Variants in ADGRL2 observed in about 807,000 individuals in gnomAD.
The protein encoded by ADGRL2 is adhesion G protein-coupled receptor L2.
Under a neutral mutation model 157.4 loss-of-function variants are expected in ADGRL2, and 44 were observed. The ratio of observed to expected loss-of-function variants is 0.28; its 90% CI spans 0.22 to 0.36. The LOEUF (loss-of-function observed/expected upper bound fraction) is 0.36. Ranked by LOEUF, ADGRL2 falls within the 10% of genes least tolerant of loss-of-function variation. The probability of loss-of-function intolerance (pLI) is 1.00; values close to 1 mark genes in which losing one functional copy is unlikely to be tolerated. For synonymous variants in ADGRL2, 585 were observed against 624.7 expected (o/e 0.94, Z 0.95); for missense variants, 1,510 against 1,768.9 (o/e 0.85, Z 2.63).
At chr1:81,644,694 A>G (rs1026436006) in intron 3 of ADGRL2, among the ~76,000 whole-genome samples, 1 of 152,188 alleles carries the variant, frequency 6.6e-6, no homozygotes, top group African/African-American at 2.4e-5. Flanking sequence ...ACCCTAATGT[A>G]AACTATGGAC....
chr1:81,383,287 A>G (rs1403833109), intron 1 of ADGRL2, among the ~76,000 whole-genome samples: 1 of 152,168 alleles, frequency 6.6e-6, no homozygotes, highest in Non-Finnish European at 1.5e-5. Context: ...TTCCACTGAA[A>G]CATCTCACTT....
At chr1:81,853,283 C>A (rs12144010) in intron 2 of ADGRL2, among the ~76,000 whole-genome samples, 19,080 of 152,156 alleles carry the variant, frequency 0.13, 1,313 homozygotes, top group African/African-American at 0.19. Context: ...TCCTTCACCT[C>A]TTCCAATCTA....
At chr1:81,653,283 A>T (rs2082458732) in intron 3 of ADGRL2, among the ~76,000 whole-genome samples, 1 of 149,172 alleles carries the variant, frequency 6.7e-6, no homozygotes, top group East Asian at 2.0e-4. Context: ...GATGTACCAT[A>T]ATTTCTGTAT....
chr1:81,380,641 T>A (rs2076328439), intron 1 of ADGRL2, among the ~76,000 whole-genome samples: 1 of 152,222 alleles, frequency 6.6e-6, no homozygotes, highest in Non-Finnish European at 1.5e-5. Context: ...TCTATTTTCC[T>A]GACTTACAAT....
intron 2 of ADGRL2, among the ~76,000 whole-genome samples, chr1:81,794,881 G>C (rs74859705): frequency 0.05 from 7,608 of 152,180 alleles, 556 homozygotes; most frequent in African/African-American, 0.16. Flanking sequence ...CTACTTTCCA[G>C]ATGCTCAGAC....
intron 17 of ADGRL2, 86 bp from the exon 18 acceptor site, chr1:81,979,783 A>G (rs1661154158): frequency 3.9e-6 from 3 of 767,890 alleles, no homozygotes; most frequent in East Asian, 5.0e-5. Context: ...TATCTTCCAT[A>G]TAAACATGGA....
intron 2 of ADGRL2, among the ~76,000 whole-genome samples, chr1:81,559,930 A>C (rs1477431352): frequency 6.6e-6 from 1 of 152,236 alleles, no homozygotes; most frequent in African/African-American, 2.4e-5. Context: ...GGACTTAAAA[A>C]ATTGTGTATT....
intron 2 of ADGRL2, among the ~76,000 whole-genome samples, chr1:81,487,558 T>C (rs1409711528): frequency 6.6e-6 from 1 of 151,676 alleles, no homozygotes; most frequent in Admixed American, 6.6e-5. Context: ...GGTAAGAGAA[T>C]CGCTTGAACC....
chr1:81,606,836 C>T (rs991011679), intron 3 of ADGRL2, among the ~76,000 whole-genome samples: 1 of 152,070 alleles, frequency 6.6e-6, no homozygotes, highest in African/African-American at 2.4e-5. Flanking sequence ...TCATTTGTGG[C>T]TTTCATATAA....
chr1:81,695,119 CT>C (rs2149005470), upstream of ADGRL2, among the ~76,000 whole-genome samples: 1 of 152,194 alleles, frequency 6.6e-6, no homozygotes, highest in South Asian at 2.1e-4. Context: ...TATTCAGTCT[CT>C]TCTAGATAGG....
intron 2 of ADGRL2, among the ~76,000 whole-genome samples, chr1:81,511,864 T>C (rs2079085265): frequency 6.6e-6 from 1 of 152,168 alleles, no homozygotes; most frequent in Non-Finnish European, 1.5e-5. Flanking sequence ...CAAGCACATT[T>C]TTCAAATTGT....
At chr1:81,764,120 A>G (rs2086016755) in intron 2 of ADGRL2, among the ~76,000 whole-genome samples, 2 of 146,292 alleles carry the variant, frequency 1.4e-5, no homozygotes, top group Admixed American at 7.0e-5. Context: ...TGAACCCAAG[A>G]GGTGGAGATT....
intron 1 of ADGRL2, among the ~76,000 whole-genome samples, chr1:81,397,661 G>A (rs1261402999): frequency 6.6e-6 from 1 of 151,934 alleles, no homozygotes; most frequent in African/African-American, 2.4e-5. Context: ...ATTTATTTGG[G>A]TCTTTTCTTT....
intron 3 of ADGRL2, among the ~76,000 whole-genome samples, chr1:81,918,489 C>T (rs548640631): frequency 1.3e-5 from 2 of 152,130 alleles, no homozygotes; most frequent in East Asian, 3.9e-4. Context: ...GTAGAGTACA[C>T]AGAGCACATG....
chr1:81,550,591 A>C (rs2080122231), intron 2 of ADGRL2, among the ~76,000 whole-genome samples: 1 of 152,176 alleles, frequency 6.6e-6, no homozygotes, highest in African/African-American at 2.4e-5. Context: ...AGCTCTAAGA[A>C]GCTAACAGGA....
rs367663586 is a variant in ADGRL2, at chr1:81,806,235, A to G, written c.-101+5167A>G. 1.2e-3 allele frequency among the ~76,000 whole-genome samples: 190 copies of G among 152,186 alleles called. 7 individuals are homozygous for G. The South Asian group carries it at 0.036, about 29-fold the overall frequency. On this transcript the variant is annotated intron_variant, in intron 1 of 23. Coordinates refer to ENST00000686636, the MANE Select transcript of ADGRL2 (RefSeq NM_001366006.2). ...CTGTCTGCTTTATTAATGGACTAACATCAAAGCAGGCAACAAAACTTCCAA... is the reference window on the plus strand; with the variant it reads ...CTGTCTGCTTTATTAATGGACTAACGTCAAAGCAGGCAACAAAACTTCCAA...
rs1657975972 is a variant in ADGRL2, at chr1:81,969,104, C to T, written c.2524-74C>T. 7.7e-6 allele frequency: 8 copies of T among 1,039,838 alleles called. No homozygotes were observed. The Admixed American group carries it at 1.3e-4, about 16-fold the overall frequency. The allele number at this position is 1,039,838 out of a possible 1,614,324, so 64.4% of individuals were successfully genotyped here. ...GTTCAGTAGTAAAAGATGAGCTGTA[C>T]ATGTGAAAGCTGTCTTTCTTCTAGT... is the stretch of plus-strand genomic sequence containing the variant. On this transcript the variant is annotated intron_variant, in intron 14 of 23. Coordinates refer to ENST00000686636, the MANE Select transcript of ADGRL2 (RefSeq NM_001366006.2).
chr1:81,606,270 C>A (rs2081430492), intron 3 of ADGRL2, among the ~76,000 whole-genome samples: 1 of 152,156 alleles, frequency 6.6e-6, no homozygotes, highest in Admixed American at 6.5e-5. Context: ...GACTTACTTG[C>A]TACACAGCAA....
intron 3 of ADGRL2, among the ~76,000 whole-genome samples, chr1:81,601,980 G>A (rs1050011656): frequency 6.6e-6 from 1 of 152,196 alleles, no homozygotes; most frequent in African/African-American, 2.4e-5. Context: ...AGGGCTGAGT[G>A]TGGAAGAGCC....
Sources: gnomAD v4.1 joint callset for allele counts (sites outside exome capture counted in the v4.1 genomes callset) on GRCh38, gnomAD v4.1.1 for gene constraint, MANE v1.5 for transcripts, NCBI Gene and HGNC (gene_info 2026-07-23, HGNC 2026-07-21) for gene names.